SPINK5: variants seen among roughly 807,000 people sequenced by gnomAD.
SPINK5 encodes the protein serine protease inhibitor Kazal-type 5.
In SPINK5, 125 loss-of-function variants were observed where a neutral mutation model predicts 151.8. The observed-to-expected ratio is 0.82, with a 90% CI of 0.71 to 0.96. SPINK5 has a LOEUF of 0.96. Ranked by LOEUF, SPINK5 falls within the 40% of genes least tolerant of loss-of-function variation. The pLI is 0.00. For missense variants in SPINK5, 1,194 were observed against 1,291.9 expected (o/e 0.92, Z 1.16); for synonymous variants, 374 against 395.3 (o/e 0.95, Z 0.64).
intron 19 of SPINK5, among the ~76,000 whole-genome samples, 198 bp downstream of exon 19, chr5:148,112,093 C>T (rs1269877240): frequency 6.6e-6 from 1 of 152,158 alleles, no homozygotes; most frequent in African/African-American, 2.4e-5. Context: ...CTGAGAGGTA[C>T]TTGAATCACC....
chr5:148,100,568 T>C lies in SPINK5; in HGVS notation c.1207T>C (p.Cys403Arg), dbSNP rs1461936944. The change falls in exon 13 of 33, where the codon TGT becomes CGT. Residue 403 changes from cysteine (C) to arginine (R), a missense_variant. Cys to Arg is a radical substitution (Grantham distance 180). Coordinates refer to ENST00000256084, the MANE Select transcript of SPINK5 (RefSeq NM_006846.4). ...GKVHGNTCSM[C>R]EVFFQAEEEE... ...AGTGCATGGCAACACCTGCTCCATGTGTGAGGTCTTCTTGTGAGTAGCCCT... is the reference window on the plus strand; with the variant it reads ...AGTGCATGGCAACACCTGCTCCATGCGTGAGGTCTTCTTGTGAGTAGCCCT... 8 of 1,613,056 alleles carry C rather than the reference T, an allele frequency of 5.0e-6. No individual in the cohort carries two copies. The highest frequency in any genetic ancestry group is 1.6e-4 in the Middle Eastern group (1 of 6,076).
intron 28 of SPINK5, 54 bp from the exon 29 acceptor site, chr5:148,125,669 C>A: frequency 6.2e-7 from 1 of 1,614,156 alleles, no homozygotes; most frequent in Non-Finnish European, 8.5e-7. Context: ...TTGAAGAAAT[C>A]ACTAAGCCAA....
rs3764930 is a variant in SPINK5 at position 148,125,553 on chromosome 5, G to A, written c.2740-170G>A. The A allele has an allele frequency of 0.59, 958,995 of 1,613,138 alleles. 292,662 individuals carry two copies. Among genetic ancestry groups the A allele is most frequent in the Admixed American group, 0.7 (41,751 of 59,934 alleles). ...AGTGCAGACAGGTTCAGAATGAAGC[G>A]GAGGATGCAAAATTTAGACAACCTG... On this transcript the variant is annotated intron_variant, in intron 28 of 32. Coordinates refer to ENST00000256084, the MANE Select transcript of SPINK5 (RefSeq NM_006846.4).
intron 4 of SPINK5, among the ~76,000 whole-genome samples, chr5:148,078,567 A>G (rs921372832): frequency 2.0e-5 from 3 of 150,964 alleles, no homozygotes; most frequent in Non-Finnish European, 4.5e-5. Flanking sequence ...TAATATATTA[A>G]AATCATATAT....
At chr5:148,123,364 A>G (rs548140092) in intron 26 of SPINK5, among the ~76,000 whole-genome samples, 35 of 137,776 alleles carry the variant, frequency 2.5e-4, no homozygotes, top group South Asian at 6.5e-4. Context: ...TAACAAGATT[A>G]TATTATATAC....
At chr5:148,077,761 T>A (rs1488903031) in intron 4 of SPINK5, among the ~76,000 whole-genome samples, 1 of 150,136 alleles carries the variant, frequency 6.7e-6, no homozygotes, top group Non-Finnish European at 1.5e-5. Context: ...TGGTTTGTAA[T>A]AAATTAAGGT....
At chr5:148,086,785 A>C (rs1247718838) in intron 5 of SPINK5, among the ~76,000 whole-genome samples, 4 of 151,390 alleles carry the variant, frequency 2.6e-5, no homozygotes, top group African/African-American at 9.7e-5. Flanking sequence ...CAGAATAGGG[A>C]GATTATAGAT....
chr5:148,076,781 A>T (rs1436200538), intron 4 of SPINK5, among the ~76,000 whole-genome samples: 1 of 151,694 alleles, frequency 6.6e-6, no homozygotes, highest in African/African-American at 2.4e-5. Flanking sequence ...TTTTAAAAAG[A>T]CCCAATGAAA....
intron 10 of SPINK5, among the ~76,000 whole-genome samples, chr5:148,096,849 C>T (rs11955939): frequency 4.8e-4 from 73 of 150,534 alleles, no homozygotes; most frequent in African/African-American, 1.8e-3. Context: ...GCCTTGACTT[C>T]CCACTCTCAA....
chr5:148,107,275 G>A, intron 17 of SPINK5, 111 bp downstream of exon 17: 1 of 1,481,540 alleles, frequency 6.7e-7, no homozygotes, highest in South Asian at 1.1e-5. Flanking sequence ...ATATTAGAAA[G>A]GTTTACAAGC....
At chr5:148,098,079 A>T in intron 11 of SPINK5, 85 bp downstream of exon 11, 1 of 1,325,390 alleles carries the variant, frequency 7.5e-7, no homozygotes, top group Non-Finnish European at 1.1e-6. Flanking sequence ...AGATGGGGAG[A>T]CTGTGGCTCA....
At chr5:148,091,255 G>GT (rs1753302095) in intron 8 of SPINK5, 27 bp downstream of exon 8, 2 of 1,604,072 alleles carry the variant, frequency 1.2e-6, no homozygotes, top group Non-Finnish European at 1.7e-6. Context: ...ACGCAATTTT[G>GT]TTCTTGTGGC....
chr5:148,131,455 T>C (rs1754571386), intron 31 of SPINK5, 66 bp downstream of exon 31: 6 of 1,602,360 alleles, frequency 3.7e-6, no homozygotes, highest in East Asian at 2.2e-5. Context: ...TGTTAACCCA[T>C]AGTAATGCAC....
chr5:148,100,658 G>C, intron 13 of SPINK5, 77 bp downstream of exon 13: 1 of 1,510,942 alleles, frequency 6.6e-7, no homozygotes, highest in South Asian at 1.1e-5. Flanking sequence ...AATTATGGGA[G>C]GGCCACTTCA....
chr5:148,101,301 T>C lies in SPINK5; in HGVS notation c.1221-54T>C, dbSNP rs1753634962. ...ATTAAATTATATTTGAGATCACTTC[T>C]AATGTGGCGATTCTATGATTTTTAC... On this transcript the variant is annotated intron_variant, in intron 13 of 32. Coordinates refer to ENST00000256084, the MANE Select transcript of SPINK5 (RefSeq NM_006846.4). 13 of 1,264,214 alleles carry C rather than the reference T, an allele frequency of 1.0e-5. No homozygotes were observed. The South Asian group carries it at 1.6e-4, about 15-fold the overall frequency. The allele number at this position is 1,264,214 out of a possible 1,614,324, so 78.3% of individuals were successfully genotyped here. A position where few individuals can be genotyped will look rare whatever the true frequency, so the allele number is the denominator to read the frequency against.
chr5:148,125,529 G>A (rs1406177978), intron 28 of SPINK5, 194 bp from the exon 29 acceptor site: 1 of 1,613,618 alleles, frequency 6.2e-7, no homozygotes, highest in Non-Finnish European at 8.5e-7. Context: ...TTCAGGACCA[G>A]TGCAGACAGG....
In SPINK5 at chr5:148,088,566, A is replaced by T; in HGVS notation, c.435A>T (p.Val145=). 1.2e-6 allele frequency: 2 copies of T among 1,611,788 alleles called. No homozygotes were observed. Among genetic ancestry groups the T allele is most frequent in the African/African-American group, 2.7e-5 (2 of 74,814 alleles). The part of the protein sequence containing the change: ...ENAKTGSQIG[V]KSEGECKSSN... Reference sequence around the variant, plus strand: ...GGAAAACCGGGTCCCAAATTGGTGTAAAAAGTGAAGGGGAATGTAAGAGCA... The same window carrying T: ...GGAAAACCGGGTCCCAAATTGGTGTTAAAAGTGAAGGGGAATGTAAGAGCA... The change falls in exon 6 of 33, where the codon GTA becomes GTT. Residue 145 remains valine (V), a synonymous_variant. Coordinates refer to ENST00000256084, the MANE Select transcript of SPINK5 (RefSeq NM_006846.4).
chr5:148,125,995 C>A, intron 29 of SPINK5, 145 bp downstream of exon 29: 1 of 1,253,232 alleles, frequency 8.0e-7, no homozygotes, highest in Non-Finnish European at 1.1e-6. Context: ...ATTGAGAACA[C>A]CTGATATAGT....
At chr5:148,132,344 T>A (rs958464351) in intron 31 of SPINK5, among the ~76,000 whole-genome samples, 1 of 152,004 alleles carries the variant, frequency 6.6e-6, no homozygotes, top group African/African-American at 2.4e-5. Context: ...GCCCAGAACA[T>A]GAGGATAGGA....
Sources: gnomAD v4.1 joint callset for allele counts (sites outside exome capture counted in the v4.1 genomes callset) on GRCh38, gnomAD v4.1.1 for gene constraint, MANE v1.5 for transcripts, NCBI Gene and HGNC (gene_info 2026-07-23, HGNC 2026-07-21) for gene names.